The following FTO variants were observed in gnomAD, a reference collection of about 807,000 sequenced individuals.
FTO encodes FTO alpha-ketoglutarate dependent dioxygenase.
FTO carries 47 observed loss-of-function variants against 63.9 expected under a neutral mutation model. The observed-to-expected ratio is 0.74, with a 90% confidence interval of 0.58 to 0.94. The LOEUF is 0.94. FTO is among the 40% of genes least tolerant of loss of function. The probability of loss-of-function intolerance (pLI) is 0.00; values close to 1 mark genes in which losing one functional copy is unlikely to be tolerated. For missense variants in FTO, 562 were observed against 618.1 expected, an observed-to-expected ratio of 0.91 and a Z score of 0.96; for synonymous variants, 207 against 224.4, an observed-to-expected ratio of 0.92 and a Z score of 0.69.
At chr16:53,883,629 AAAAAAAC>A (rs1303704102) in intron 6 of FTO, among the ~76,000 whole-genome samples, 2 of 147,086 alleles carry the variant, frequency 1.4e-5, no homozygotes, top group African/African-American at 2.6e-5. Flanking sequence ...TCTCAAAAAA[AAAAAAAC>A]AAAAAAAAAA....
intron 8 of FTO, among the ~76,000 whole-genome samples, chr16:53,950,178 A>AAC: frequency 1.4e-5 from 2 of 145,968 alleles, no homozygotes; most frequent in Admixed American, 6.9e-5. Context: ...AAAAAAAAAA[A>AAC]ACTTAATCCA....
Position 54,120,877 on chromosome 16 carries a change from G to A in FTO, c.*8962G>A, listed in dbSNP as rs1159372867. ...GGTCACAAACATCCACAAGATATTG[G>A]TGATTTTACATATTATTAGAGCCAC... On this transcript the variant is annotated 3_prime_UTR_variant, in exon 9 of 9. Transcript: ENST00000471389. 6.6e-6 allele frequency: 1 copy of A among 152,150 alleles called. No homozygotes were observed. The highest frequency in any genetic ancestry group is 2.4e-5 in the African/African-American group (1 of 41,414). The allele number at this position is 152,150 out of a possible 1,614,324, so 9.4% of individuals were successfully genotyped here.
chr16:53,811,686 T>C (rs553274929), intron 2 of FTO, among the ~76,000 whole-genome samples: 3 of 152,286 alleles, frequency 2.0e-5, no homozygotes, highest in South Asian at 4.1e-4. Flanking sequence ...CAGCCTCATC[T>C]CCCCTGCTCT....
At chr16:53,945,538 G>A (rs2082633891) in intron 8 of FTO, among the ~76,000 whole-genome samples, 2 of 152,202 alleles carry the variant, frequency 1.3e-5, no homozygotes, top group African/African-American at 4.8e-5. Context: ...TGTGGAGATA[G>A]GCAGGTATGT....
intron 8 of FTO, among the ~76,000 whole-genome samples, chr16:53,944,093 G>T (rs1410586823): frequency 6.6e-6 from 1 of 152,170 alleles, no homozygotes; most frequent in Non-Finnish European, 1.5e-5. Context: ...GCTGGGTTTT[G>T]TTGTTGGGAG....
At chr16:54,039,797 G>T (rs2085029462) in intron 8 of FTO, 1 of 152,188 alleles carries the variant, frequency 6.6e-6, no homozygotes, top group Admixed American at 6.5e-5. Flanking sequence ...TCCCTCCAGA[G>T]GTTTTGATCA....
intron 8 of FTO, among the ~76,000 whole-genome samples, chr16:53,945,695 G>A (rs1223847044): frequency 6.6e-6 from 1 of 152,166 alleles, no homozygotes; most frequent in Non-Finnish European, 1.5e-5. Context: ...ACCTTTATAT[G>A]CTCTGTCATT....
chr16:53,707,821 T>A (rs2075665136), intron 1 of FTO, among the ~76,000 whole-genome samples: 1 of 152,182 alleles, frequency 6.6e-6, no homozygotes, highest in South Asian at 2.1e-4. Context: ...GTCACCACCG[T>A]CTTATTTTAG....
At chr16:53,857,466 C>A (rs35771999) in intron 4 of FTO, among the ~76,000 whole-genome samples, 3,386 of 149,322 alleles carry the variant, frequency 0.023, 98 homozygotes, top group East Asian at 0.093. Context: ...CTCTCTCTCT[C>A]TTTCTATATA....
At chr16:53,921,405 A>C (rs904546495) in intron 7 of FTO, among the ~76,000 whole-genome samples, 5 of 152,212 alleles carry the variant, frequency 3.3e-5, no homozygotes, top group African/African-American at 1.2e-4. Flanking sequence ...GTGCTAAGCC[A>C]CTTTTAGGCC....
chr16:54,096,483 T>C (rs2086519040), intron 8 of FTO, among the ~76,000 whole-genome samples: 1 of 152,226 alleles, frequency 6.6e-6, no homozygotes, highest in Non-Finnish European at 1.5e-5. Flanking sequence ...AGCAGTTTAT[T>C]ATCTGTAACC....
chr16:54,074,917 A>AGTGTGTGTGTGT (rs3040381), intron 8 of FTO, among the ~76,000 whole-genome samples: 1 of 134,172 alleles, frequency 7.5e-6, no homozygotes, highest in African/African-American at 2.9e-5. Context: ...AGAGAGAGAG[A>AGTGTGTGTGTGT]GTGTGTGTGT....
chr16:53,731,131 T>C (rs572236903), intron 1 of FTO, among the ~76,000 whole-genome samples: 1 of 152,328 alleles, frequency 6.6e-6, no homozygotes, highest in South Asian at 2.1e-4. Context: ...ATTACTTGTA[T>C]GTGAATTTGG....
chr16:53,861,863 G>A (rs1458852210), intron 4 of FTO, among the ~76,000 whole-genome samples: 1 of 152,110 alleles, frequency 6.6e-6, no homozygotes, highest in East Asian at 1.9e-4. Flanking sequence ...TATTCTTTGA[G>A]TCTTTGCATT....
rs76070712 is a variant in FTO, at chr16:53,745,530, A to C, written c.45+41301A>C. Among the ~76,000 whole-genome samples the C allele has an allele frequency of 6.2e-3, 939 of 152,340 alleles. 4 individuals are homozygous for C. The highest frequency in any genetic ancestry group is 0.021 in the African/African-American group (891 of 41,574). ...CTTCATTGTTTCATTCATATAAAGA[A>C]ATGTTTATTGAGCACCTTAAAAGCA... On this transcript the variant is annotated intron_variant, in intron 1 of 8. Transcript: ENST00000471389.
At chr16:53,971,756 G>C (rs917819740) in intron 8 of FTO, among the ~76,000 whole-genome samples, 2 of 152,200 alleles carry the variant, frequency 1.3e-5, no homozygotes, top group African/African-American at 4.8e-5. Flanking sequence ...GCCTAAGCAG[G>C]ATCCCCTTCC....
intron 1 of FTO, among the ~76,000 whole-genome samples, chr16:53,721,193 A>T (rs2076031894): frequency 6.6e-6 from 1 of 152,164 alleles, no homozygotes; most frequent in African/African-American, 2.4e-5. Flanking sequence ...ACTCGGGGTG[A>T]CCTAGACAGC....
chr16:53,834,270 T>C (rs113835641), intron 3 of FTO, among the ~76,000 whole-genome samples: 40,607 of 152,054 alleles, frequency 0.27, 5,825 homozygotes, highest in African/African-American at 0.37. Flanking sequence ...GTGATCCACC[T>C]GTCTCGGCCT....
chr16:53,819,223 C>G (rs1353155521), intron 2 of FTO, among the ~76,000 whole-genome samples: 2 of 152,176 alleles, frequency 1.3e-5, no homozygotes, highest in Non-Finnish European at 2.9e-5. Flanking sequence ...GGGTCTCACT[C>G]TGTGGCCCAG....
Sources: gnomAD v4.1 joint callset for allele counts (sites outside exome capture counted in the v4.1 genomes callset) on GRCh38, gnomAD v4.1.1 for gene constraint, MANE v1.5 for transcripts, NCBI Gene and HGNC (gene_info 2026-07-23, HGNC 2026-07-21) for gene names.